Variants in PRKG1 observed in about 807,000 individuals in gnomAD.
PRKG1 encodes the protein cGMP-dependent protein kinase 1.
Under a neutral mutation model 88.1 loss-of-function variants are expected in PRKG1, and 35 were observed. That is an observed-to-expected ratio of 0.40 (90% CI 0.30 to 0.53). The LOEUF is 0.53. Ranked by LOEUF, PRKG1 falls within the 20% of genes least tolerant of loss-of-function variation. The pLI is 0.59. For missense variants in PRKG1, 540 were observed against 839.8 expected (o/e 0.64, Z 4.41); for synonymous variants, 303 against 292.5 (o/e 1.04, Z -0.37).
At chr10:52,029,747 G>T (rs565516225) in intron 5 of PRKG1, among the ~76,000 whole-genome samples, 12 of 152,152 alleles carry the variant, frequency 7.9e-5, no homozygotes, top group Non-Finnish European at 1.6e-4. Context: ...CTTCTCTGGT[G>T]ATCTTAATGG....
At chr10:52,168,957 G>A (rs978455458) in intron 9 of PRKG1, among the ~76,000 whole-genome samples, 1 of 152,158 alleles carries the variant, frequency 6.6e-6, no homozygotes, top group Non-Finnish European at 1.5e-5. Flanking sequence ...GGTTAGGCAG[G>A]TCTGGTGCTC....
At chr10:51,655,171 G>A (rs1036676480) in intron 3 of PRKG1, among the ~76,000 whole-genome samples, 1 of 152,146 alleles carries the variant, frequency 6.6e-6, no homozygotes, top group Non-Finnish European at 1.5e-5. Flanking sequence ...TAGGCAGTGA[G>A]CCTGGAAGAA....
intron 3 of PRKG1, among the ~76,000 whole-genome samples, chr10:51,746,131 G>C (rs1403291726): frequency 1.3e-5 from 2 of 152,114 alleles, no homozygotes; most frequent in Non-Finnish European, 2.9e-5. Context: ...TTACAGGCAT[G>C]AGCTACAATG....
intron 8 of PRKG1, among the ~76,000 whole-genome samples, chr10:52,134,782 G>T (rs1217231822): frequency 6.6e-6 from 1 of 152,122 alleles, no homozygotes; most frequent in Non-Finnish European, 1.5e-5. Flanking sequence ...GCCGAGCTCA[G>T]AGGACTCCGG....
chr10:52,240,210 G>A (rs1477662874), intron 9 of PRKG1, among the ~76,000 whole-genome samples: 2 of 152,094 alleles, frequency 1.3e-5, no homozygotes, highest in East Asian at 3.9e-4. Flanking sequence ...GTGATCAGTC[G>A]TATCAATAAT....
chr10:51,810,721 A>T (rs1042312591), intron 4 of PRKG1, among the ~76,000 whole-genome samples: 7 of 152,186 alleles, frequency 4.6e-5, no homozygotes, highest in African/African-American at 9.6e-5. Context: ...AAAAAATATG[A>T]CTTTGTTATT....
chr10:51,478,494 G>A (rs1840264089), intron 3 of PRKG1, among the ~76,000 whole-genome samples: 1 of 151,918 alleles, frequency 6.6e-6, no homozygotes, highest in South Asian at 2.1e-4. Context: ...AGATAAAATT[G>A]TATTGTATAA....
rs1321510681 is a variant in PRKG1 at position 52,111,536 on chromosome 10, A to G, written c.936-22304A>G. Among the ~76,000 whole-genome samples the G allele has an allele frequency of 2.0e-5, 3 of 152,244 alleles. No homozygotes were observed. In the East Asian group the frequency reaches 5.8e-4, roughly 29 times the overall value. On this transcript the variant is annotated intron_variant, in intron 7 of 17. Transcript: ENST00000373980. ...CATTCCATTGCTTTGACATTAACAG[A>G]TAATTTAAATAAAATTTGGGTTGTT...
chr10:51,071,309 A>G (rs913383945), upstream of PRKG1, among the ~76,000 whole-genome samples: 3 of 152,232 alleles, frequency 2.0e-5, no homozygotes, highest in African/African-American at 7.2e-5. Context: ...TGAAAAACAT[A>G]CTTAAAATAT....
chr10:52,194,585 G>A (rs1345465732), intron 9 of PRKG1, among the ~76,000 whole-genome samples: 1 of 152,092 alleles, frequency 6.6e-6, no homozygotes, highest in East Asian at 1.9e-4. Context: ...TCTCGCTAAA[G>A]TTTCCGTTTA....
chr10:51,566,179 T>C (rs1837598624), intron 3 of PRKG1, among the ~76,000 whole-genome samples: 1 of 152,106 alleles, frequency 6.6e-6, no homozygotes, highest in Non-Finnish European at 1.5e-5. Context: ...TGGCAATTCC[T>C]AGAAATTTCT....
At chr10:52,071,782 G>A (rs956570554) in intron 7 of PRKG1, among the ~76,000 whole-genome samples, 1 of 152,086 alleles carries the variant, frequency 6.6e-6, no homozygotes, top group African/African-American at 2.4e-5. Flanking sequence ...GCATCTCTAT[G>A]TACCTATTTT....
At chr10:51,576,134 C>T (rs1422634326) in intron 3 of PRKG1, among the ~76,000 whole-genome samples, 2 of 151,864 alleles carry the variant, frequency 1.3e-5, no homozygotes. Context: ...GTAACTTGCC[C>T]ATGGTCACGC....
intron 1 of PRKG1, among the ~76,000 whole-genome samples, chr10:50,994,978 C>A (rs916140394): frequency 2.6e-5 from 4 of 152,066 alleles, no homozygotes; most frequent in Non-Finnish European, 2.9e-5. Flanking sequence ...AGGTTTTATG[C>A]AAATACTACA....
chr10:51,482,746 T>A (rs888255105), intron 3 of PRKG1, among the ~76,000 whole-genome samples: 1 of 152,120 alleles, frequency 6.6e-6, no homozygotes, highest in African/African-American at 2.4e-5. Context: ...AAATTGAATA[T>A]ACTTTGGGCC....
intron 3 of PRKG1, among the ~76,000 whole-genome samples, chr10:51,793,138 C>CAAAAAA (rs775904836): frequency 5.7e-5 from 4 of 69,746 alleles, no homozygotes; most frequent in Admixed American, 1.7e-4. Context: ...CAGCACACTG[C>CAAAAAA]AAAAAAAAAA....
At chr10:52,157,526 T>G (rs1838154315) in intron 8 of PRKG1, among the ~76,000 whole-genome samples, 1 of 151,140 alleles carries the variant, frequency 6.6e-6, no homozygotes, top group Non-Finnish European at 1.5e-5. Context: ...GACATACCAT[T>G]GAGTAATCAG....
At chr10:51,210,845 C>G (rs1247573140) in intron 2 of PRKG1, among the ~76,000 whole-genome samples, 1 of 152,112 alleles carries the variant, frequency 6.6e-6, no homozygotes, top group Non-Finnish European at 1.5e-5. Flanking sequence ...CAAAAAAAGT[C>G]CAGGACCAGA....
chr10:51,876,223 TACACACACAC>T (rs3029926), intron 4 of PRKG1, among the ~76,000 whole-genome samples: 3 of 150,216 alleles, frequency 2.0e-5, no homozygotes, highest in African/African-American at 7.3e-5. Context: ...ATATTTGTGT[TACACACACAC>T]ACACACACAC....
Sources: allele counts gnomAD v4.1 joint callset (sites outside exome capture counted in the v4.1 genomes callset), GRCh38; gene constraint gnomAD v4.1.1; transcripts MANE v1.5; gene names NCBI Gene and HGNC (gene_info 2026-07-23, HGNC 2026-07-21).